Variants in SLC19A1 observed in about 807,000 individuals in gnomAD.
SLC19A1 encodes solute carrier family 19 member 1, also known as reduced folate transporter.
Under a neutral mutation model 35.3 loss-of-function variants are expected in SLC19A1, and 37 were observed. The ratio of observed to expected loss-of-function variants is 1.05; its 90% CI spans 0.81 to 1.38. SLC19A1 has a LOEUF of 1.38. SLC19A1 is among the 40% of genes most tolerant of loss of function. The pLI is 0.00. For synonymous variants in SLC19A1, 460 were observed against 398.5 expected (o/e 1.15, Z -1.84); for missense variants, 831 against 826.9 (o/e 1.00, Z -0.06).
chr21:45,529,784 G>C (rs889448940), intron 4 of SLC19A1, among the ~76,000 whole-genome samples: 9 of 151,516 alleles, frequency 5.9e-5, no homozygotes, highest in African/African-American at 2.2e-4. Flanking sequence ...ATGTGAGTGT[G>C]GTGTATCCAT....
rs1022716042 is a variant in SLC19A1, at chr21:45,533,820, G to A, written c.190-1672C>T. ...CGCCTCCCCGGGGGCTCTCAGCCTC[G>A]TGTCTGGCACACCCAAGATGTGTGG... On this transcript the variant is annotated intron_variant, in intron 2 of 5. Transcript: ENST00000311124. This position sits in a 1 kb window ranked among gnomAD's most constrained non-coding sequence, Gnocchi z 4.5. 2.6e-5 allele frequency among the ~76,000 whole-genome samples: 4 copies of A among 152,188 alleles called. No individual in the cohort carries two copies. Among genetic ancestry groups the A allele is most frequent in the South Asian group, 4.1e-4 (2 of 4,834 alleles).
intron 3 of SLC19A1, chr21:45,505,846 C>T (rs1291292621): frequency 1.2e-6 from 2 of 1,609,150 alleles, no homozygotes; most frequent in Non-Finnish European, 1.7e-6. Flanking sequence ...AGGTGAGGCT[C>T]TGGGCTACAC....
At position 45,514,529 on chromosome 21, in the gene SLC19A1, A is replaced by T. The variant is rs1372878859; in HGVS notation, c.*1129T>A. On this transcript the variant is annotated 3_prime_UTR_variant, in exon 6 of 6. Transcript: ENST00000311124. ...CAGCCATTCACCTGGGGCCGCTGAG[A>T]TGTGGCAGAGGCCCCACAGGATAGG... 6.5e-6 allele frequency: 1 copy of T among 154,740 alleles called. No individual in the cohort carries two copies. The highest frequency in any genetic ancestry group is 1.4e-5 in the Non-Finnish European group (1 of 69,874). 9.6% of individuals were successfully genotyped at this position (154,740 alleles called of 1,614,324 possible). A position where few individuals can be genotyped will look rare whatever the true frequency, so the allele number is the denominator to read the frequency against.
intron 1 of SLC19A1, among the ~76,000 whole-genome samples, chr21:45,541,196 T>C (rs1330917525): frequency 3.3e-5 from 5 of 152,180 alleles, no homozygotes; most frequent in African/African-American, 1.2e-4. Context: ...TCTGGAATTA[T>C]AAAAATCCAC....
intron 2 of SLC19A1, among the ~76,000 whole-genome samples, chr21:45,537,088 A>T (rs2078137778): frequency 6.6e-6 from 1 of 152,138 alleles, no homozygotes; most frequent in Admixed American, 6.5e-5. Context: ...AATAGCCACT[A>T]AGTCTCTGTG....
downstream of SLC19A1, chr21:45,509,279 C>T: frequency 5.9e-6 from 9 of 1,526,470 alleles, no homozygotes; most frequent in South Asian, 1.1e-4. Flanking sequence ...TCTCACCCAG[C>T]CCAGAGGAGG....
chr21:45,529,552 CTGAG>C (rs986264885), intron 4 of SLC19A1, among the ~76,000 whole-genome samples: 4 of 151,928 alleles, frequency 2.6e-5, no homozygotes, highest in Non-Finnish European at 4.4e-5. Flanking sequence ...TGTGTGTGGT[CTGAG>C]TATGTGGTGG....
chr21:45,531,983 TGTGCGCCACCGAGTGGCCCAGCA>T lies in SLC19A1; in HGVS notation c.332_354del (p.Leu111HisfsTer275), dbSNP rs1569003637. On this transcript the variant is annotated frameshift_variant, in exon 3 of 6. Transcript: ENST00000311124. LOFTEE classifies it high-confidence loss of function. ...CTGTAGAAGAGCTCCATGAGCTGCATGTGCGCCACCGAGTGGCCCAGCAGCAGCAGCAGCCACACCGACACGAA... is the reference window on the plus strand; with the variant it reads ...CTGTAGAAGAGCTCCATGAGCTGCATGCAGCAGCAGCCACACCGACACGAA... 2.5e-6 allele frequency: 4 copies of T among 1,610,106 alleles called. No individual in the cohort carries two copies. The highest frequency in any genetic ancestry group is 3.4e-6 in the Non-Finnish European group (4 of 1,179,520).
chr21:45,519,569 G>GAA lies in SLC19A1; in HGVS notation c.1294-3430_1294-3429insTT, dbSNP rs1363946471. On this transcript the variant is annotated intron_variant, in intron 5 of 5. Coordinates refer to ENST00000311124, the MANE Select transcript of SLC19A1 (RefSeq NM_194255.4). The stretch of plus-strand genomic sequence containing the variant: ...AACATCAGGTAAAATAAACTTCTGA[G>GAA]CAAAAAAAAAAAAAAAAAAAAAAAA... 1.9e-4 allele frequency among the ~76,000 whole-genome samples: 3 copies of GAA among 16,138 alleles called. No homozygotes were observed. The South Asian group carries it at 5.2e-3, about 28-fold the overall frequency. 10.6% of individuals were successfully genotyped at this position (16,138 alleles called of 152,430 possible).
In SLC19A1 at chr21:45,517,646, G is replaced by A. The variant is rs199792935; in HGVS notation, c.1294-1506C>T. ...CTTATCCTCACCCAGTAGTAAGAGC[G>A]TGCCTGTCCTGTCCCCCTCCATGCT... On this transcript the variant is annotated intron_variant, in intron 5 of 5. Coordinates refer to ENST00000311124, the MANE Select transcript of SLC19A1 (RefSeq NM_194255.4). This position sits in a 1 kb window ranked among gnomAD's most constrained non-coding sequence, Gnocchi z 4.4. Among the ~76,000 whole-genome samples the A allele has an allele frequency of 7.5e-4, 82 of 109,838 alleles. No homozygotes were observed. The highest frequency in any genetic ancestry group is 6.9e-3 in the East Asian group (24 of 3,462). The allele number at this position is 109,838 out of a possible 152,430, so 72.1% of individuals were successfully genotyped here.
chr21:45,523,317 G>A (rs1602732697), intron 5 of SLC19A1, among the ~76,000 whole-genome samples: 1 of 152,210 alleles, frequency 6.6e-6, no homozygotes, highest in Non-Finnish European at 1.5e-5. Context: ...TTTTAACCTA[G>A]AAATCAAACC....
intron 4 of SLC19A1, 79 bp from the exon 5 acceptor site, chr21:45,526,037 C>A: frequency 6.6e-7 from 1 of 1,509,492 alleles, no homozygotes; most frequent in Non-Finnish European, 9.0e-7. Context: ...CAGCCCGGCT[C>A]CCACCAGCCC....
chr21:45,555,509 G>A (rs2078551023), intron 1 of SLC19A1, among the ~76,000 whole-genome samples: 1 of 137,940 alleles, frequency 7.2e-6, no homozygotes, highest in African/African-American at 2.7e-5. Context: ...AGGCGACGCG[G>A]GTTGCAGGGA....
upstream of SLC19A1, among the ~76,000 whole-genome samples, chr21:45,548,452 A>G (rs1390588329): frequency 6.6e-6 from 1 of 152,216 alleles, no homozygotes; most frequent in East Asian, 1.9e-4. Flanking sequence ...TTCTTAAAAC[A>G]CACAAAAGAG....
At chr21:45,505,797 C>CA in intron 3 of SLC19A1, 5 of 1,489,514 alleles carry the variant, frequency 3.4e-6, no homozygotes, top group Non-Finnish European at 4.6e-6. Flanking sequence ...GCCCCCCGCC[C>CA]TCCCCGCCAA....
At position 45,530,594 on chromosome 21, in the gene SLC19A1, G is replaced by A. The variant is rs1246112650; in HGVS notation, c.1151+176C>T. Among the ~76,000 whole-genome samples, 1 of 152,168 alleles carries A rather than the reference G, an allele frequency of 6.6e-6. No homozygotes were observed. Among genetic ancestry groups the A allele is most frequent in the Non-Finnish European group, 1.5e-5 (1 of 67,996 alleles). ...GGAGCAGCAAGACGGCACAGGAAGGGACGCCCGAGGTCCCAGGGAGAGGCA... is the reference window on the plus strand; with the variant it reads ...GGAGCAGCAAGACGGCACAGGAAGGAACGCCCGAGGTCCCAGGGAGAGGCA... On this transcript the variant is annotated intron_variant, in intron 4 of 5. Transcript: ENST00000311124. This position sits in a 1 kb window ranked among gnomAD's most constrained non-coding sequence, Gnocchi z 5.3.
intron 1 of SLC19A1, among the ~76,000 whole-genome samples, chr21:45,555,824 G>C (rs1363191612): frequency 2.0e-5 from 3 of 152,142 alleles, no homozygotes; most frequent in African/African-American, 7.2e-5. Context: ...GGAGGTGCCG[G>C]GAGGGGGTCG....
At chr21:45,504,942 G>A (rs576706151) in intron 3 of SLC19A1, among the ~76,000 whole-genome samples, 9 of 151,438 alleles carry the variant, frequency 5.9e-5, no homozygotes, top group East Asian at 2.0e-4. Context: ...TCTCTCCCCC[G>A]GGATCGCACC....
At chr21:45,509,417 C>A (rs187670025), downstream of SLC19A1, 9 of 1,539,076 alleles carry the variant, frequency 5.8e-6, no homozygotes, top group African/African-American at 1.4e-5. Context: ...AACCCCTACC[C>A]GCGGCGGGAG....
Sources: allele counts gnomAD v4.1 joint callset (sites outside exome capture counted in the v4.1 genomes callset), GRCh38; gene constraint gnomAD v4.1.1; non-coding constraint Gnocchi (gnomAD v3.1); transcripts MANE v1.5; gene names NCBI Gene and HGNC (gene_info 2026-07-23, HGNC 2026-07-21).